Variants in TRPC5 observed in about 807,000 individuals in gnomAD.
The protein encoded by TRPC5 is short transient receptor potential channel 5.
Under a neutral mutation model 56.5 loss-of-function variants are expected in TRPC5, and 9 were observed. The ratio of observed to expected loss-of-function variants is 0.16; its 90% CI spans 0.10 to 0.28. TRPC5 has a LOEUF of 0.28. Among genes scored for constraint, TRPC5 ranks in the 10% least tolerant of loss-of-function variants. TRPC5 has a pLI of 1.00. For missense variants in TRPC5, 469 were observed against 748.9 expected (o/e 0.63, Z 4.36); for synonymous variants, 282 against 278.5 (o/e 1.01, Z -0.13).
Position 111,952,440 on chromosome X carries a change from A to G in TRPC5, c.-20T>C. ...GGCCATGGTTCATAGCAATGCAGAAATCTGAGTGAGGAAACAGAGAAAGAC... is the reference window on the plus strand; with the variant it reads ...GGCCATGGTTCATAGCAATGCAGAAGTCTGAGTGAGGAAACAGAGAAAGAC... On this transcript the variant is annotated splice_region_variant and 5_prime_UTR_variant, in exon 2 of 11. Transcript: ENST00000262839. 2 of 1,178,924 alleles carry G rather than the reference A, an allele frequency of 1.7e-6. No homozygotes were observed. The highest frequency in any genetic ancestry group is 2.3e-6 in the Non-Finnish European group (2 of 878,913).
At chrX:112,081,614 TC>T (rs1930968032) in intron 1 of TRPC5, among the ~76,000 whole-genome samples, 1 of 111,446 alleles carries the variant, frequency 9.0e-6, no homozygotes, top group African/African-American at 3.3e-5. Flanking sequence ...AGGAAAATAT[TC>T]CCAGTGAAAG....
chrX:112,061,563 G>C (rs1930459916), intron 1 of TRPC5, among the ~76,000 whole-genome samples: 1 of 111,959 alleles, frequency 8.9e-6, no homozygotes, highest in Non-Finnish European at 1.9e-5. Context: ...GGAAGACTCT[G>C]AGAGTCTCTG....
intron 1 of TRPC5, among the ~76,000 whole-genome samples, chrX:112,018,980 G>T (rs1929197627): frequency 1.8e-5 from 2 of 112,397 alleles, no homozygotes; most frequent in South Asian, 7.4e-4. Context: ...AAGTCAGCTG[G>T]ATCCTGTCTC....
chrX:111,918,958 C>T (rs1255321911), intron 2 of TRPC5, among the ~76,000 whole-genome samples: 2 of 109,983 alleles, frequency 1.8e-5, no homozygotes, highest in African/African-American at 6.6e-5. Context: ...TGAAGTTGTC[C>T]AGAGTGATGA....
chrX:112,072,426 C>T (rs908041439), intron 1 of TRPC5, among the ~76,000 whole-genome samples: 1 of 111,892 alleles, frequency 8.9e-6, no homozygotes, highest in African/African-American at 3.3e-5. Flanking sequence ...TCTATATCTA[C>T]AGCTCAGACT....
chrX:111,899,196 T>C (rs1201721321), intron 3 of TRPC5, among the ~76,000 whole-genome samples: 2 of 110,434 alleles, frequency 1.8e-5, no homozygotes, highest in Non-Finnish European at 3.8e-5. Context: ...AGGTCACTAA[T>C]TTTTTTTCCC....
chrX:111,819,380 T>A (rs970495820), intron 7 of TRPC5, among the ~76,000 whole-genome samples: 17 of 111,744 alleles, frequency 1.5e-4, no homozygotes, highest in Non-Finnish European at 3.0e-4. Flanking sequence ...GTGGTACTCC[T>A]GAATCCCACT....
chrX:111,978,643 A>G (rs1927994321), intron 1 of TRPC5, among the ~76,000 whole-genome samples: 1 of 111,310 alleles, frequency 9.0e-6, no homozygotes, highest in South Asian at 3.8e-4. Flanking sequence ...GTCTTACAAG[A>G]TGAATAAGTT....
At chrX:112,011,583 G>A (rs928049064) in intron 1 of TRPC5, among the ~76,000 whole-genome samples, 7 of 111,748 alleles carry the variant, frequency 6.3e-5, no homozygotes, top group African/African-American at 2.3e-4. Context: ...GCTCCCCAGT[G>A]GGGGGCTTTG....
chrX:112,001,714 TC>T (rs1404309339), intron 1 of TRPC5, among the ~76,000 whole-genome samples: 1 of 111,591 alleles, frequency 9.0e-6, no homozygotes, highest in Non-Finnish European at 1.9e-5. Flanking sequence ...TGAGCCAAGA[TC>T]CTGCCACTGC....
intron 3 of TRPC5, among the ~76,000 whole-genome samples, chrX:111,904,967 AT>A (rs1401089074): frequency 0.012 from 1,186 of 100,823 alleles, 10 homozygotes; most frequent in African/African-American, 0.033. Flanking sequence ...TTTGGAGCTG[AT>A]TTTTTTTTTT....
chrX:111,910,641 C>T (rs888688745), intron 3 of TRPC5, among the ~76,000 whole-genome samples: 3 of 112,363 alleles, frequency 2.7e-5, no homozygotes, highest in African/African-American at 9.7e-5. Context: ...AAGCGATTCT[C>T]GTGTCTCAGC....
intron 1 of TRPC5, among the ~76,000 whole-genome samples, chrX:112,032,234 A>C (rs1273157107): frequency 9.0e-6 from 1 of 111,158 alleles, no homozygotes; most frequent in African/African-American, 3.3e-5. Flanking sequence ...CTATCAAAAA[A>C]ATCAAAAGAC....
chrX:111,965,391 C>A (rs1314917173), intron 1 of TRPC5, among the ~76,000 whole-genome samples: 3 of 111,706 alleles, frequency 2.7e-5, no homozygotes, highest in Non-Finnish European at 3.8e-5. Flanking sequence ...TTTAACACCC[C>A]ACTGTCAACA....
At chrX:111,817,975 G>A (rs1042258229) in intron 7 of TRPC5, among the ~76,000 whole-genome samples, 6 of 110,998 alleles carry the variant, frequency 5.4e-5, no homozygotes, top group African/African-American at 1.6e-4. Flanking sequence ...TTTCATCCTC[G>A]CTCCCAAACA....
rs137963322 is a variant in TRPC5, at chrX:111,946,479, G to A, written c.378+5564C>T. Among the ~76,000 whole-genome samples the A allele has an allele frequency of 6.4e-4, 72 of 111,872 alleles. 1 individual carries two copies. In the East Asian group the frequency reaches 0.02, roughly 31 times the overall value. ...CATAGAGGAAAGATGGAGGAAATGAGGGCCATCAAATGAGAACTCGGCCCA... is the reference window on the plus strand; with the variant it reads ...CATAGAGGAAAGATGGAGGAAATGAAGGCCATCAAATGAGAACTCGGCCCA... On this transcript the variant is annotated intron_variant, in intron 2 of 10. Transcript: ENST00000262839.
chrX:111,920,261 C>G (rs989147970), intron 2 of TRPC5, among the ~76,000 whole-genome samples: 1 of 109,695 alleles, frequency 9.1e-6, no homozygotes, highest in Non-Finnish European at 1.9e-5. Context: ...GGTGACAGAG[C>G]GAGACTCTGT....
chrX:111,948,875 C>T (rs1029308895), intron 2 of TRPC5, among the ~76,000 whole-genome samples: 3 of 111,703 alleles, frequency 2.7e-5, no homozygotes, highest in Non-Finnish European at 5.6e-5. Context: ...ACTTCCTTAT[C>T]TGAGTAAAGA....
At chrX:111,910,088 C>T (rs1203868804) in intron 3 of TRPC5, among the ~76,000 whole-genome samples, 2 of 112,025 alleles carry the variant, frequency 1.8e-5, no homozygotes, top group Non-Finnish European at 3.8e-5. Context: ...TTAAAGAGAA[C>T]GGGGGGCCTA....
Sources: allele counts gnomAD v4.1 joint callset (sites outside exome capture counted in the v4.1 genomes callset), GRCh38; gene constraint gnomAD v4.1.1; transcripts MANE v1.5; gene names NCBI Gene and HGNC (gene_info 2026-07-23, HGNC 2026-07-21).